The following CHLSN variants were observed in gnomAD, a reference collection of about 807,000 sequenced individuals.
The protein encoded by CHLSN is cholesin, also known as protein cholesin.
the CHLSN span, chr7:1,057,475 G>A: frequency 1.4e-6 from 1 of 724,270 alleles, no homozygotes; most frequent in Non-Finnish European, 2.5e-6. Flanking sequence ...CTGACCACCT[G>A]TTCCTTCTTT....
chr7:1,079,605 C>A, the CHLSN span, among the ~76,000 whole-genome samples: 1 of 152,214 alleles, frequency 6.6e-6, no homozygotes, highest in East Asian at 1.9e-4. Context: ...TCTGCACAAC[C>A]CCCCTCCCTG....
chr7:1,059,851 GT>G, the CHLSN span, among the ~76,000 whole-genome samples: 1 of 37,052 alleles, frequency 2.7e-5, no homozygotes, highest in Non-Finnish European at 5.1e-5. Context: ...AGGCGGGTCC[GT>G]AGTGGGGCGG....
the CHLSN span, among the ~76,000 whole-genome samples, chr7:1,036,255 C>A: frequency 1.3e-5 from 2 of 152,170 alleles, no homozygotes; most frequent in African/African-American, 4.8e-5. Flanking sequence ...CCATAAGCTG[C>A]GGACTTCGGG....
the CHLSN span, among the ~76,000 whole-genome samples, chr7:1,072,347 C>T: frequency 3.3e-5 from 5 of 152,338 alleles, no homozygotes; most frequent in South Asian, 1.0e-3. Flanking sequence ...CATGAATGCC[C>T]CTGCACACAC....
the CHLSN span, among the ~76,000 whole-genome samples, chr7:1,116,889 C>T: frequency 5.3e-5 from 2 of 37,918 alleles, no homozygotes; most frequent in Non-Finnish European, 8.8e-5. Context: ...CCATCACCGA[C>T]GTCCACGCAG....
At chr7:1,004,733 C>G in the CHLSN span, among the ~76,000 whole-genome samples, 6 of 152,338 alleles carry the variant, frequency 3.9e-5, no homozygotes, top group African/African-American at 1.2e-4. Context: ...CTGGTCCCTG[C>G]GCAACTGCAG....
chr7:1,026,076 T>C, the CHLSN span: 1 of 152,226 alleles, frequency 6.6e-6, no homozygotes, highest in African/African-American at 2.4e-5. Context: ...CCCAGAATGT[T>C]GGCAGGGCCT....
the CHLSN span, among the ~76,000 whole-genome samples, chr7:1,052,897 A>C: frequency 6.6e-6 from 1 of 152,046 alleles, no homozygotes; most frequent in African/African-American, 2.4e-5. This position sits in a 1 kb window ranked among gnomAD's most constrained non-coding sequence, Gnocchi z 4.2. Flanking sequence ...CATCGCCGCC[A>C]CAACAAACTC....
the CHLSN span, among the ~76,000 whole-genome samples, chr7:989,942 CTGGTGGT>C: frequency 2.3e-5 from 3 of 128,380 alleles, no homozygotes; most frequent in Non-Finnish European, 1.6e-5. Flanking sequence ...GGCACCTGTG[CTGGTGGT>C]GGCGTGGTCG....
chr7:1,069,028 C>T, the CHLSN span, among the ~76,000 whole-genome samples: 4 of 152,170 alleles, frequency 2.6e-5, no homozygotes, highest in Non-Finnish European at 4.4e-5. Flanking sequence ...CTTGCAAGAC[C>T]GTCATTAAAA....
the CHLSN span, chr7:1,010,146 G>T: frequency 6.2e-7 from 1 of 1,607,016 alleles, no homozygotes. Context: ...GCTTCGCCCT[G>T]AAAGTCAAGG....
the CHLSN span, chr7:1,021,333 C>T: frequency 2.1e-6 from 2 of 974,598 alleles, no homozygotes; most frequent in Non-Finnish European, 1.2e-6. Flanking sequence ...TCCCCAGAAG[C>T]CTTTTCATCG....
chr7:1,063,567 C>T, the CHLSN span, among the ~76,000 whole-genome samples: 2 of 152,238 alleles, frequency 1.3e-5, no homozygotes, highest in Non-Finnish European at 2.9e-5. Flanking sequence ...TGTCTCCCAG[C>T]GCCCACCATG....
chr7:1,020,575 C>T, the CHLSN span, among the ~76,000 whole-genome samples: 1 of 152,244 alleles, frequency 6.6e-6, no homozygotes, highest in Non-Finnish European at 1.5e-5. Context: ...CCCTCCCAGA[C>T]TGCAGGGACA....
the CHLSN span, among the ~76,000 whole-genome samples, chr7:1,083,323 T>C: frequency 6.6e-6 from 1 of 152,050 alleles, no homozygotes; most frequent in African/African-American, 2.4e-5. Context: ...TGAGGGAAAG[T>C]GATAGAAGAT....
chr7:983,216 C>T, the CHLSN span: 10 of 1,510,882 alleles, frequency 6.6e-6, no homozygotes, highest in Middle Eastern at 2.3e-4. Context: ...GTCCTCATGG[C>T]CCTGCTGCTC....
At chr7:1,059,435 C>T in the CHLSN span, among the ~76,000 whole-genome samples, 3 of 151,894 alleles carry the variant, frequency 2.0e-5, no homozygotes, top group Non-Finnish European at 4.4e-5. Context: ...AGATGGGGCC[C>T]GGACCGGCCT....
the CHLSN span, among the ~76,000 whole-genome samples, chr7:995,506 G>A: frequency 2.0e-5 from 3 of 152,200 alleles, no homozygotes; most frequent in Non-Finnish European, 2.9e-5. Context: ...CTCTGGTTCC[G>A]GATCCATCAG....
chr7:1,089,740 T>C, the CHLSN span, among the ~76,000 whole-genome samples: 2 of 149,348 alleles, frequency 1.3e-5, no homozygotes. Flanking sequence ...GTAAGTATTT[T>C]CAAGCAATAG....
Sources: allele counts gnomAD v4.1 joint callset (sites outside exome capture counted in the v4.1 genomes callset), GRCh38; gene constraint gnomAD v4.1.1; non-coding constraint Gnocchi (gnomAD v3.1); transcripts MANE v1.5; gene names NCBI Gene and HGNC (gene_info 2026-07-23, HGNC 2026-07-21).